PCDH15: variants seen among roughly 807,000 people sequenced by gnomAD.
PCDH15 encodes the protein protocadherin-15.
Under a neutral mutation model 178.5 loss-of-function variants are expected in PCDH15, and 129 were observed. The ratio of observed to expected loss-of-function variants is 0.72; its 90% CI spans 0.63 to 0.84. PCDH15 has a LOEUF of 0.84. PCDH15 is among the 40% of genes least tolerant of loss of function. PCDH15 has a pLI of 0.00. For synonymous variants in PCDH15, 800 were observed against 732.0 expected, an observed-to-expected ratio of 1.09 and a Z score of -1.50; for missense variants, 2,230 against 2,099.9, an observed-to-expected ratio of 1.06 and a Z score of -1.21.
intron 25 of PCDH15, among the ~76,000 whole-genome samples, chr10:53,915,259 AATT>A (rs1415876185): frequency 6.6e-6 from 1 of 152,186 alleles, no homozygotes; most frequent in Admixed American, 6.5e-5. Flanking sequence ...TTAGAAAATA[AATT>A]ATTAACTGTA....
At chr10:54,147,719 C>T (rs2044130310) in intron 14 of PCDH15, among the ~76,000 whole-genome samples, 1 of 151,622 alleles carries the variant, frequency 6.6e-6, no homozygotes, top group Non-Finnish European at 1.5e-5. Context: ...TATTAAAAGA[C>T]TTTAATAAAA....
chr10:54,526,493 C>T (rs1312158918), intron 3 of PCDH15, among the ~76,000 whole-genome samples: 3 of 152,140 alleles, frequency 2.0e-5, no homozygotes, highest in Non-Finnish European at 4.4e-5. Flanking sequence ...CATAATTCAT[C>T]ACTGTAACAG....
At chr10:53,888,310 G>GTATATATATACATA (rs1554845230) in intron 26 of PCDH15, among the ~76,000 whole-genome samples, 5 of 28,706 alleles carry the variant, frequency 1.7e-4, no homozygotes, top group Admixed American at 1.1e-3. Context: ...ATATATATAT[G>GTATATATATACATA]TATATATGTA....
At position 55,346,814 on chromosome 10, in the gene PCDH15, C is replaced by T. The variant is rs115375844; in HGVS notation, c.-155-180163G>A. Among the ~76,000 whole-genome samples, 855 of 151,870 alleles carry T rather than the reference C, an allele frequency of 5.6e-3. 10 individuals are homozygous for T. The highest frequency in any genetic ancestry group is 0.02 in the African/African-American group (810 of 41,390). On this transcript the variant is annotated intron_variant, in intron 2 of 5. Transcript: ENST00000613346. ...GATGTAGGTCCACCTTGGCTGCTCA[C>T]GGTTCCTGTGAGATGAAAGTTCAAG...
intron 3 of PCDH15, among the ~76,000 whole-genome samples, chr10:54,503,834 C>T (rs1352350056): frequency 1.3e-5 from 2 of 152,018 alleles, no homozygotes; most frequent in Non-Finnish European, 2.9e-5. Flanking sequence ...TCCTTTTTCT[C>T]CACTTTTACT....
chr10:54,708,779 C>T (rs182555333), intron 1 of PCDH15, among the ~76,000 whole-genome samples: 3 of 150,484 alleles, frequency 2.0e-5, no homozygotes, highest in South Asian at 4.3e-4. Flanking sequence ...GCCAGAATAA[C>T]GTGTGTGTGT....
Position 53,940,898 on chromosome 10 carries a change from A to C in PCDH15, c.3200T>G (p.Ile1067Ser). The change falls in exon 24 of 38, where the codon ATT (isoleucine) becomes AGT (serine). Residue 1067 changes from isoleucine (I) to serine (S), a missense_variant. Ile to Ser is a moderately radical substitution (Grantham distance 142). Transcript: ENST00000644397. ...ATTTCCTGAAACAATGGAGTACACA[A>C]TACTTTGATTAATGGCAGCAGCAGA... ...VISAAAINQS[I>S]VYSIVSGNEE... 6.2e-7 allele frequency: 1 copy of C among 1,613,606 alleles called. No homozygotes were observed.
chr10:54,814,643 G>T (rs897136879), intron 3 of PCDH15, among the ~76,000 whole-genome samples: 2 of 152,070 alleles, frequency 1.3e-5, no homozygotes, highest in Non-Finnish European at 2.9e-5. Flanking sequence ...TCTTTCTGTT[G>T]TTCCATTTAT....
At chr10:53,860,994 T>C (rs1053386296) in intron 27 of PCDH15, among the ~76,000 whole-genome samples, 1 of 152,140 alleles carries the variant, frequency 6.6e-6, no homozygotes, top group East Asian at 1.9e-4. Context: ...CTTTAAAATT[T>C]TTAAATCTCC....
intron 1 of PCDH15, among the ~76,000 whole-genome samples, chr10:54,684,823 A>G (rs1190336559): frequency 6.7e-6 from 1 of 149,202 alleles, no homozygotes; most frequent in Non-Finnish European, 1.5e-5. Context: ...AGTAGTGTGT[A>G]TTAGAATAGA....
chr10:55,264,905 A>C (rs1319290549), intron 1 of PCDH15, among the ~76,000 whole-genome samples: 1 of 152,108 alleles, frequency 6.6e-6, no homozygotes, highest in African/African-American at 2.4e-5. Flanking sequence ...ATACTTTGCA[A>C]GGCAATCCAG....
chr10:53,896,482 G>A (rs969940020), intron 26 of PCDH15, among the ~76,000 whole-genome samples: 1 of 152,136 alleles, frequency 6.6e-6, no homozygotes, highest in African/African-American at 2.4e-5. Context: ...GCTTCACTCA[G>A]TCATTTATAG....
At chr10:55,282,657 G>T (rs1472063858) in intron 1 of PCDH15, among the ~76,000 whole-genome samples, 1 of 151,848 alleles carries the variant, frequency 6.6e-6, no homozygotes, top group Non-Finnish European at 1.5e-5. Context: ...ATAATTTTTT[G>T]TTCTTATAAA....
chr10:54,888,572 G>A (rs996755444), intron 3 of PCDH15, among the ~76,000 whole-genome samples: 1 of 151,718 alleles, frequency 6.6e-6, no homozygotes, highest in Admixed American at 6.6e-5. Context: ...TGGCTTGGCA[G>A]GTTCATATGG....
intron 2 of PCDH15, among the ~76,000 whole-genome samples, chr10:55,147,799 C>T (rs964542021): frequency 5.7e-5 from 8 of 140,060 alleles, no homozygotes; most frequent in African/African-American, 2.0e-4. Flanking sequence ...TCTCCTCTTT[C>T]TTCTTATGTT....
chr10:53,893,540 T>C (rs2081734627), intron 26 of PCDH15, among the ~76,000 whole-genome samples: 1 of 152,336 alleles, frequency 6.6e-6, no homozygotes, highest in African/African-American at 2.4e-5. Flanking sequence ...AATCTGGAAC[T>C]AGCCTAAATG....
chr10:55,063,307 T>C (rs7923723), intron 2 of PCDH15, among the ~76,000 whole-genome samples: 3,469 of 152,276 alleles, frequency 0.023, 137 homozygotes, highest in African/African-American at 0.078. Context: ...AGCAGTGTCA[T>C]ATAAAGTCAT....
At chr10:54,811,852 T>C (rs1952869403) in intron 3 of PCDH15, among the ~76,000 whole-genome samples, 1 of 152,226 alleles carries the variant, frequency 6.6e-6, no homozygotes, top group South Asian at 2.1e-4. Context: ...TGAATAATTA[T>C]GAGTTTAACA....
At chr10:53,912,227 C>T (rs2083155277) in intron 25 of PCDH15, among the ~76,000 whole-genome samples, 1 of 152,066 alleles carries the variant, frequency 6.6e-6, no homozygotes, top group South Asian at 2.1e-4. Context: ...GCAGAAAAGG[C>T]CTTTGACAAA....
Sources: gnomAD v4.1 joint callset for allele counts (sites outside exome capture counted in the v4.1 genomes callset) on GRCh38, gnomAD v4.1.1 for gene constraint, MANE v1.5 for transcripts, NCBI Gene and HGNC (gene_info 2026-07-23, HGNC 2026-07-21) for gene names.